Variants in LRRC4C observed in about 807,000 individuals in gnomAD.
The protein encoded by LRRC4C is leucine rich repeat containing 4C, also known as leucine-rich repeat-containing protein 4C.
In LRRC4C, 5 loss-of-function variants were observed where a neutral mutation model predicts 33.6. The ratio of observed to expected loss-of-function variants is 0.15; its 90% CI spans 0.08 to 0.31. LRRC4C has a LOEUF of 0.31. Ranked by LOEUF, LRRC4C falls within the 10% of genes least tolerant of loss-of-function variation. The probability of loss-of-function intolerance (pLI) is 1.00; values close to 1 mark genes in which losing one functional copy is unlikely to be tolerated. For synonymous variants in LRRC4C, 329 were observed against 302.0 expected (o/e 1.09, Z -0.93); for missense variants, 560 against 796.7 (o/e 0.70, Z 3.58).
intron 1 of LRRC4C, among the ~76,000 whole-genome samples, chr11:41,378,459 C>G (rs928584401): frequency 6.6e-6 from 1 of 152,088 alleles, no homozygotes; most frequent in Non-Finnish European, 1.5e-5. Flanking sequence ...AAAACCTGTT[C>G]TAAAAGCAGC....
intron 3 of LRRC4C, among the ~76,000 whole-genome samples, chr11:40,369,135 T>C (rs937145678): frequency 6.6e-6 from 1 of 151,088 alleles, no homozygotes; most frequent in South Asian, 2.1e-4. Flanking sequence ...AGGTATACAG[T>C]GGACACAGTC....
intron 1 of LRRC4C, among the ~76,000 whole-genome samples, chr11:41,197,455 C>T (rs1329343649): frequency 6.6e-6 from 1 of 152,000 alleles, no homozygotes; most frequent in Non-Finnish European, 1.5e-5. Context: ...GCTTGTCCTA[C>T]ACATCACTGT....
intron 3 of LRRC4C, among the ~76,000 whole-genome samples, chr11:40,505,056 C>T (rs1446119193): frequency 6.6e-6 from 1 of 152,128 alleles, no homozygotes; most frequent in Non-Finnish European, 1.5e-5. Flanking sequence ...CCTTCATACT[C>T]TCTTACCTCG....
chr11:41,236,379 G>A (rs533038930), intron 1 of LRRC4C, among the ~76,000 whole-genome samples: 3 of 151,916 alleles, frequency 2.0e-5, no homozygotes, highest in Non-Finnish European at 2.9e-5. Flanking sequence ...AACTGATACT[G>A]GTGAGATAAT....
intron 4 of LRRC4C, among the ~76,000 whole-genome samples, chr11:40,262,842 G>A (rs957251924): frequency 1.3e-5 from 2 of 152,228 alleles, no homozygotes; most frequent in East Asian, 3.9e-4. Flanking sequence ...GGAGTAGGGG[G>A]CTAGGGAAGG....
At chr11:41,373,292 C>G (rs563389151) in intron 1 of LRRC4C, among the ~76,000 whole-genome samples, 1 of 151,928 alleles carries the variant, frequency 6.6e-6, no homozygotes, top group Non-Finnish European at 1.5e-5. Context: ...AAAATAACTA[C>G]GTTTAGTTGT....
chr11:40,354,617 G>C (rs1469183913), intron 3 of LRRC4C, among the ~76,000 whole-genome samples: 1 of 152,076 alleles, frequency 6.6e-6, no homozygotes, highest in Non-Finnish European at 1.5e-5. Flanking sequence ...GGCCACTGCT[G>C]CTCCAGGCCC....
intron 3 of LRRC4C, among the ~76,000 whole-genome samples, chr11:40,577,604 C>T (rs1958246941): frequency 6.6e-6 from 1 of 152,102 alleles, no homozygotes; most frequent in Admixed American, 6.6e-5. Context: ...TTGTTTGTCA[C>T]ATGTGAAGAG....
chr11:40,802,343 T>TA (rs1565079249), intron 2 of LRRC4C, among the ~76,000 whole-genome samples: 42 of 150,878 alleles, frequency 2.8e-4, no homozygotes, highest in Middle Eastern at 3.4e-3. Context: ...AATGGTAATT[T>TA]TAAAAAAAAA....
intron 2 of LRRC4C, among the ~76,000 whole-genome samples, chr11:40,835,927 G>C (rs1027022390): frequency 1.3e-5 from 2 of 152,130 alleles, no homozygotes; most frequent in African/African-American, 4.8e-5. Flanking sequence ...GTCTGATGCT[G>C]TCTTTGGTGA....
intron 3 of LRRC4C, among the ~76,000 whole-genome samples, chr11:40,460,675 T>C (rs75815268): frequency 0.041 from 6,183 of 152,202 alleles, 412 homozygotes; most frequent in African/African-American, 0.14. Context: ...AAGGATGTGA[T>C]AAAATAAAAT....
Position 40,579,103 on chromosome 11 carries a change from C to T in LRRC4C, c.-270+69039G>A, listed in dbSNP as rs1229774843. ...TTTTAATCCCAGCTCTTTGGGAGGCCGAGGTAGGTAGATCACTGGAGTCCA... is the reference window on the plus strand; with the variant it reads ...TTTTAATCCCAGCTCTTTGGGAGGCTGAGGTAGGTAGATCACTGGAGTCCA... On this transcript the variant is annotated intron_variant, in intron 3 of 6. Transcript: ENST00000528697. Among the ~76,000 whole-genome samples the T allele has an allele frequency of 2.6e-5, 4 of 152,028 alleles. No homozygotes were observed. In the East Asian group the frequency reaches 5.8e-4, roughly 22 times the overall value.
At chr11:41,003,806 C>G (rs1854548872) in intron 1 of LRRC4C, among the ~76,000 whole-genome samples, 1 of 151,856 alleles carries the variant, frequency 6.6e-6, no homozygotes, top group African/African-American at 2.4e-5. Flanking sequence ...TTGCTGAAGA[C>G]CAAGCAGGTC....
chr11:40,247,878 G>GA (rs760562575), intron 4 of LRRC4C, among the ~76,000 whole-genome samples: 1 of 152,174 alleles, frequency 6.6e-6, no homozygotes, highest in African/African-American at 2.4e-5. Flanking sequence ...TAAGACAACT[G>GA]AAACTAGGGA....
At chr11:40,964,293 AG>A (rs527697817) in intron 1 of LRRC4C, among the ~76,000 whole-genome samples, 32 of 151,970 alleles carry the variant, frequency 2.1e-4, no homozygotes, top group African/African-American at 7.7e-4. Context: ...AAAAAACCCA[AG>A]TCAAACAAAA....
intron 1 of LRRC4C, among the ~76,000 whole-genome samples, chr11:41,237,419 T>C (rs1948070245): frequency 6.6e-6 from 1 of 152,080 alleles, no homozygotes; most frequent in African/African-American, 2.4e-5. Flanking sequence ...GAAAAGGAGA[T>C]TTTTTTGCAA....
chr11:41,247,231 C>A lies in LRRC4C; in HGVS notation c.-496+212200G>T, dbSNP rs757216352. Reference sequence around the variant, plus strand: ...GCTCTTAGTTTGATAGGACTAGAAACCCCTCTGTTGCTTTGGCTTTAATGT... The same window carrying A: ...GCTCTTAGTTTGATAGGACTAGAAAACCCTCTGTTGCTTTGGCTTTAATGT... On this transcript the variant is annotated intron_variant, in intron 1 of 6. Coordinates refer to ENST00000528697, the MANE Select transcript of LRRC4C (RefSeq NM_001258419.2). Among the ~76,000 whole-genome samples the A allele has an allele frequency of 2.0e-5, 3 of 152,346 alleles. No individual in the cohort carries two copies. In the South Asian group the frequency reaches 6.2e-4, roughly 32 times the overall value.
At chr11:40,227,121 G>C (rs949174854) in intron 5 of LRRC4C, among the ~76,000 whole-genome samples, 1 of 152,188 alleles carries the variant, frequency 6.6e-6, no homozygotes, top group Non-Finnish European at 1.5e-5. Context: ...CTCCCTGCAA[G>C]AGTGTAGAAA....
At chr11:40,133,933 T>C (rs1856811202) in intron 6 of LRRC4C, among the ~76,000 whole-genome samples, 2 of 152,198 alleles carry the variant, frequency 1.3e-5, no homozygotes, top group Non-Finnish European at 2.9e-5. Flanking sequence ...TAGGGCCAAG[T>C]GTATCTCATC....
Sources: gnomAD v4.1 joint callset for allele counts (sites outside exome capture counted in the v4.1 genomes callset) on GRCh38, gnomAD v4.1.1 for gene constraint, MANE v1.5 for transcripts, NCBI Gene and HGNC (gene_info 2026-07-23, HGNC 2026-07-21) for gene names.